Variants in DOCK10 observed in about 807,000 individuals in gnomAD.
DOCK10 encodes dedicator of cytokinesis 10, also known as dedicator of cytokinesis protein 10.
DOCK10 carries 145 observed loss-of-function variants against 280.1 expected under a neutral mutation model. The observed-to-expected ratio is 0.52, with a 90% CI of 0.45 to 0.59. The LOEUF is 0.59. Ranked by LOEUF, DOCK10 falls within the 20% of genes least tolerant of loss-of-function variation. The pLI, the probability that DOCK10 is intolerant of heterozygous loss-of-function variation, is 0.00. For synonymous variants in DOCK10, 915 were observed against 942.2 expected (o/e 0.97, Z 0.53); for missense variants, 2,368 against 2,651.7 (o/e 0.89, Z 2.35).
intron 4 of DOCK10, among the ~76,000 whole-genome samples, chr2:224,891,980 A>G: frequency 6.6e-6 from 1 of 152,234 alleles, no homozygotes; most frequent in East Asian, 1.9e-4. Context: ...AAGAGCTGCA[A>G]TAATGTCAAC....
Position 224,806,223 on chromosome 2 carries a change from A to T in DOCK10, c.3717T>A (p.Asp1239Glu). The change falls in exon 34 of 56, where the codon GAT (aspartate) becomes GAA (glutamate). Residue 1239 changes from aspartate to glutamate, a missense_variant. Around this residue, in one of 2 missense-constraint regions of DOCK10, gnomAD observed 1,159 missense variants for 1,400.8 expected, o/e 0.83. Transcript: ENST00000258390. ...VNTSNQGSRD[D>E]LSTNGGFQSQ... is the part of the protein sequence containing the mutation. ...TTTGAAATCCTCCATTGGTGCTTAG[A>T]TCATCTCTAGACCCCTGTATTCAAA... 6.2e-7 allele frequency: 1 copy of T among 1,603,520 alleles called. No individual in the cohort carries two copies. Among genetic ancestry groups the T allele is most frequent in the South Asian group, 1.1e-5 (1 of 90,652 alleles).
intron 1 of DOCK10, among the ~76,000 whole-genome samples, chr2:224,948,689 A>C (rs1247803388): frequency 6.6e-6 from 1 of 152,136 alleles, no homozygotes; most frequent in Non-Finnish European, 1.5e-5. Flanking sequence ...AAAGCTATGA[A>C]CCCACTCATC....
intron 1 of DOCK10, among the ~76,000 whole-genome samples, chr2:225,001,812 G>T (rs531585353): frequency 1.3e-5 from 2 of 152,312 alleles, no homozygotes; most frequent in African/African-American, 4.8e-5. Context: ...CATCTCCTTG[G>T]TTTGTCCTCA....
chr2:224,913,455 A>G (rs1431494093), intron 3 of DOCK10, among the ~76,000 whole-genome samples: 1 of 152,082 alleles, frequency 6.6e-6, no homozygotes, highest in East Asian at 1.9e-4. Context: ...TTAAAAATTA[A>G]TTTGTAGGAT....
rs1690036569 is a variant in DOCK10, at chr2:224,765,533, GC to G, written c.*187del. The G allele has an allele frequency of 1.9e-6, 1 of 531,214 alleles. No homozygotes were observed. The highest frequency in any genetic ancestry group is 2.0e-5 in the African/African-American group (1 of 50,550). 32.9% of individuals were successfully genotyped at this position (531,214 alleles called of 1,614,324 possible). The stretch of plus-strand genomic sequence containing the variant: ...TATTCAACCTGGCTTGATCAACACT[GC>G]TCAAAGAAAAAAAAATTATACAAAA... On this transcript the variant is annotated 3_prime_UTR_variant, in exon 56 of 56. Transcript: ENST00000258390.
Position 224,876,019 on chromosome 2 carries a change from CG to C in DOCK10, c.931+18del, listed in dbSNP as rs766231249. On this transcript the variant is annotated intron_variant, in intron 8 of 55. Transcript: ENST00000258390. ...GTCACACTGGACAAAGGAAGGAAGA[CG>C]GCTTCATATGCTCTCACCCAGACCC... 1.9e-6 allele frequency: 3 copies of C among 1,601,476 alleles called. No homozygotes were observed. In the Admixed American group the frequency reaches 5.3e-5, roughly 28 times the overall value.
At chr2:224,823,418 G>C in intron 28 of DOCK10, 83 bp downstream of exon 28, 1 of 1,200,096 alleles carries the variant, frequency 8.3e-7, no homozygotes, top group Non-Finnish European at 1.1e-6. Context: ...CATACATGAA[G>C]ATGTGAACTG....
intron 1 of DOCK10, among the ~76,000 whole-genome samples, chr2:225,032,799 T>C (rs1413292612): frequency 6.6e-6 from 1 of 152,256 alleles, no homozygotes; most frequent in Admixed American, 6.5e-5. Flanking sequence ...CAGTAAATTT[T>C]GTTAAGTTTT....
intron 3 of DOCK10, among the ~76,000 whole-genome samples, chr2:224,913,818 C>G (rs1300377233): frequency 6.6e-6 from 1 of 152,188 alleles, no homozygotes; most frequent in Non-Finnish European, 1.5e-5. Flanking sequence ...AGCTCCGCCT[C>G]CCAGGTTCAC....
chr2:224,765,181 T>C lies in DOCK10; in HGVS notation c.*540A>G, dbSNP rs1377683378. ...CTTTTAAGAGCACATATATTACAAA[T>C]AAAGGAACTCCACAAACTTTAAAGA... is the stretch of plus-strand genomic sequence containing the variant. On this transcript the variant is annotated 3_prime_UTR_variant, in exon 56 of 56. Transcript: ENST00000258390. 6.6e-6 allele frequency: 1 copy of C among 152,618 alleles called. No homozygotes were observed. Among genetic ancestry groups the C allele is most frequent in the Non-Finnish European group, 1.5e-5 (1 of 68,032 alleles). The allele number at this position is 152,618 out of a possible 1,614,324, so 9.5% of individuals were successfully genotyped here.
intron 1 of DOCK10, among the ~76,000 whole-genome samples, chr2:224,953,733 GGTT>G (rs1703888953): frequency 6.6e-6 from 1 of 152,170 alleles, no homozygotes; most frequent in Admixed American, 6.5e-5. Flanking sequence ...TTAAAATAGT[GGTT>G]TTTTAAAATG....
In DOCK10 at chr2:224,865,855, T is replaced by TCACA. The variant is rs375471540; in HGVS notation, c.1258-772_1258-769dup. On this transcript the variant is annotated intron_variant, in intron 11 of 55. Transcript: ENST00000258390. Reference sequence around the variant, plus strand: ...CTGTTTCTCTCTCTCTCTCTCTCTCTCACACACACACACACACTCTCTCTC... The same window carrying TCACA: ...CTGTTTCTCTCTCTCTCTCTCTCTCTCACACACACACACACACACACTCTCTCTC... Among the ~76,000 whole-genome samples the TCACA allele has an allele frequency of 2.3e-3, 345 of 148,538 alleles. 2 individuals carry two copies. Among genetic ancestry groups the TCACA allele is most frequent in the African/African-American group, 7.9e-3 (315 of 39,938 alleles).
At chr2:224,833,226 C>T (rs569181572) in intron 26 of DOCK10, among the ~76,000 whole-genome samples, 10 of 151,946 alleles carry the variant, frequency 6.6e-5, no homozygotes, top group South Asian at 2.1e-4. Context: ...AACCCTCCAA[C>T]GACACAACTC....
At chr2:224,982,912 A>G (rs1188240210) in intron 1 of DOCK10, among the ~76,000 whole-genome samples, 2 of 152,172 alleles carry the variant, frequency 1.3e-5, no homozygotes, top group Non-Finnish European at 2.9e-5. Flanking sequence ...AAACTGGCTT[A>G]TCTGAAACAT....
intron 1 of DOCK10, among the ~76,000 whole-genome samples, chr2:224,953,554 A>G (rs536463786): frequency 5.3e-5 from 8 of 152,336 alleles, no homozygotes; most frequent in African/African-American, 1.9e-4. Flanking sequence ...CCTGCTAGAA[A>G]GGTCAACCCA....
intron 11 of DOCK10, among the ~76,000 whole-genome samples, chr2:224,865,855 T>TCACACACA (rs375471540): frequency 3.4e-5 from 5 of 148,444 alleles, no homozygotes; most frequent in African/African-American, 1.3e-4. Context: ...TCTCTCTCTC[T>TCACACACA]CACACACACA....
intron 48 of DOCK10, among the ~76,000 whole-genome samples, chr2:224,788,107 C>G (rs1341260758): frequency 6.6e-6 from 1 of 152,056 alleles, no homozygotes; most frequent in Non-Finnish European, 1.5e-5. Flanking sequence ...AAAAAAGTTC[C>G]CCTTCTGATT....
intron 1 of DOCK10, among the ~76,000 whole-genome samples, chr2:224,969,651 A>T (rs1704972549): frequency 1.3e-5 from 2 of 152,228 alleles, no homozygotes; most frequent in Non-Finnish European, 1.5e-5. Context: ...CAGAGCTAAA[A>T]GGAAGAAATA....
chr2:224,839,274 T>C lies in DOCK10; in HGVS notation c.2780+680A>G, dbSNP rs963025458. Among the ~76,000 whole-genome samples the C allele has an allele frequency of 3.3e-5, 5 of 150,958 alleles. No homozygotes were observed. In the South Asian group the frequency reaches 6.3e-4, roughly 19 times the overall value. ...TTTGTAATTTTTTTTTTTTTTTTTT[T>C]AGTAGAGTTGGGGTTTCACCAACTC... On this transcript the variant is annotated intron_variant, in intron 24 of 55. Coordinates refer to ENST00000258390, the MANE Select transcript of DOCK10 (RefSeq NM_014689.3).
Sources: allele counts gnomAD v4.1 joint callset (sites outside exome capture counted in the v4.1 genomes callset), GRCh38; gene constraint gnomAD v4.1.1; regional missense constraint gnomAD v4.1.1; transcripts MANE v1.5; gene names NCBI Gene and HGNC (gene_info 2026-07-23, HGNC 2026-07-21).